FBXO21: variants seen among roughly 807,000 people sequenced by gnomAD.
The protein encoded by FBXO21 is F-box protein 21, also known as F-box only protein 21.
A neutral mutation model predicts 76.6 loss-of-function variants in FBXO21; 32 were observed. The ratio of observed to expected loss-of-function variants is 0.42; its 90% CI spans 0.32 to 0.56. The LOEUF (loss-of-function observed/expected upper bound fraction) is 0.56, where lower values mean the gene tolerates loss of function less well. Ranked by LOEUF, FBXO21 falls within the 20% of genes least tolerant of loss-of-function variation. FBXO21 has a pLI of 0.16. For synonymous variants in FBXO21, 328 were observed against 311.5 expected (o/e 1.05, Z -0.56); for missense variants, 586 against 797.3 (o/e 0.73, Z 3.19).
At chr12:117,184,137 T>G in intron 3 of FBXO21, among the ~76,000 whole-genome samples, 1 of 152,044 alleles carries the variant, frequency 6.6e-6, no homozygotes, top group East Asian at 1.9e-4. Context: ...TTCTTGTGAA[T>G]TTAGTCTTCT....
intron 8 of FBXO21, 28 bp downstream of exon 8, chr12:117,166,867 CAGA>C (rs2135865176): frequency 6.2e-7 from 1 of 1,601,638 alleles, no homozygotes; most frequent in African/African-American, 1.3e-5. Context: ...ATGTGCTCTG[CAGA>C]AGTACTAGAA....
At chr12:117,182,594 A>AGTCT (rs1308062123) in intron 3 of FBXO21, among the ~76,000 whole-genome samples, 2 of 100,520 alleles carry the variant, frequency 2.0e-5, no homozygotes, top group Non-Finnish European at 3.7e-5. Context: ...TTTTGGACCG[A>AGTCT]GTCTGTCGCC....
intron 11 of FBXO21, among the ~76,000 whole-genome samples, chr12:117,150,628 TG>T (rs78968605): frequency 0.36 from 55,114 of 152,170 alleles, 11,626 homozygotes; most frequent in Admixed American, 0.54. Flanking sequence ...GAAGACTCCT[TG>T]TGAATGACAA....
intron 9 of FBXO21, among the ~76,000 whole-genome samples, chr12:117,159,750 T>C (rs944214995): frequency 6.6e-6 from 1 of 152,164 alleles, no homozygotes; most frequent in Non-Finnish European, 1.5e-5. Flanking sequence ...CCCTCCACTG[T>C]GTTCCACACA....
intron 3 of FBXO21, among the ~76,000 whole-genome samples, chr12:117,184,702 C>T (rs577509162): frequency 1.2e-4 from 18 of 152,100 alleles, no homozygotes; most frequent in East Asian, 1.9e-4. Context: ...GCCAAGATCA[C>T]GCCATTGCAC....
chr12:117,159,346 C>T (rs968752849), intron 9 of FBXO21, among the ~76,000 whole-genome samples: 1 of 151,872 alleles, frequency 6.6e-6, no homozygotes, highest in Non-Finnish European at 1.5e-5. Context: ...TGCCACTTCC[C>T]GAACAGGACT....
At chr12:117,150,964 GTGTGT>G in intron 11 of FBXO21, among the ~76,000 whole-genome samples, 1 of 83,902 alleles carries the variant, frequency 1.2e-5, no homozygotes, top group African/African-American at 4.5e-5. Context: ...GTTTGTGTGT[GTGTGT>G]GTGTGTGTGT....
intron 11 of FBXO21, among the ~76,000 whole-genome samples, chr12:117,147,481 C>T (rs1955788002): frequency 6.7e-6 from 1 of 148,888 alleles, no homozygotes; most frequent in African/African-American, 2.5e-5. Context: ...CGTCTGTAAT[C>T]CCAGTTACTT....
chr12:117,185,342 C>G (rs1409374728), intron 3 of FBXO21, among the ~76,000 whole-genome samples: 2 of 152,200 alleles, frequency 1.3e-5, no homozygotes, highest in African/African-American at 4.8e-5. Flanking sequence ...AGATATTTCT[C>G]TCTCCTAAAT....
At chr12:117,189,665 C>G (rs116680405) in intron 1 of FBXO21, among the ~76,000 whole-genome samples, 2,300 of 152,090 alleles carry the variant, frequency 0.015, 64 homozygotes, top group African/African-American at 0.053. Flanking sequence ...GAGCCGGGGC[C>G]CTGCGTGCGT....
chr12:117,157,637 C>G (rs11068378), intron 10 of FBXO21, among the ~76,000 whole-genome samples: 27,769 of 114,148 alleles, frequency 0.24, 3,162 homozygotes, highest in East Asian at 0.42. Flanking sequence ...ACTAAAAACA[C>G]TAGAAGATCT....
chr12:117,187,420 C>CAAAAA (rs921514232), intron 2 of FBXO21, among the ~76,000 whole-genome samples: 2 of 59,694 alleles, frequency 3.4e-5, no homozygotes, highest in Admixed American at 1.9e-4. Flanking sequence ...AACTCTGTCT[C>CAAAAA]AAAAAAAAAA....
chr12:117,174,808 A>G lies in FBXO21; in HGVS notation c.593-11T>C. 5 of 1,607,042 alleles carry G rather than the reference A, an allele frequency of 3.1e-6. No homozygotes were observed. Among genetic ancestry groups the G allele is most frequent in the Non-Finnish European group, 4.3e-6 (5 of 1,176,162 alleles). On this transcript the variant is annotated splice_polypyrimidine_tract_variant and intron_variant, in intron 4 of 11. Transcript: ENST00000622495. ...CAATATATACAGCACCTGAAAATGA[A>G]CAAGAATTACCGAATAAATTCTCAC...
chr12:117,159,702 T>C (rs1173898083), intron 9 of FBXO21, among the ~76,000 whole-genome samples: 1 of 152,176 alleles, frequency 6.6e-6, no homozygotes. Flanking sequence ...TGGCTGTCCT[T>C]GTGGCCTGAA....
intron 3 of FBXO21, 118 bp from the exon 4 acceptor site, chr12:117,177,759 C>T: frequency 1.4e-6 from 1 of 732,580 alleles, no homozygotes; most frequent in South Asian, 2.1e-5. Context: ...GGTTCATTCT[C>T]TTATAATAAT....
intron 3 of FBXO21, among the ~76,000 whole-genome samples, chr12:117,182,591 CCGAGT>C (rs1167770065): frequency 5.0e-4 from 24 of 48,358 alleles, no homozygotes; most frequent in African/African-American, 1.8e-3. Flanking sequence ...TTTTTTTGGA[CCGAGT>C]CTGTCGCCCA....
chr12:117,187,132 G>T (rs573727309), intron 2 of FBXO21, among the ~76,000 whole-genome samples: 25 of 148,764 alleles, frequency 1.7e-4, no homozygotes, highest in African/African-American at 6.2e-4. Flanking sequence ...AAATAAAAAG[G>T]CGGCGGCGGC....
At position 117,190,394 on chromosome 12, in the gene FBXO21, C is replaced by G. The variant is rs775671929; in HGVS notation, c.63G>C (p.Ala21=). 9 of 1,498,624 alleles carry G rather than the reference C, an allele frequency of 6.0e-6. No individual in the cohort carries two copies. Among genetic ancestry groups the G allele is most frequent in the Non-Finnish European group, 7.1e-6 (8 of 1,131,796 alleles). The allele number at this position is 1,498,624 out of a possible 1,614,324, so 92.8% of individuals were successfully genotyped here. A position where few individuals can be genotyped will look rare whatever the true frequency, so the allele number is the denominator to read the frequency against. Reference sequence around the variant, plus strand: ...GGCAGCTGAGGCCCGCTACCTCCGGCGCGGCCTCCTCCGCCAGCGCCGGCA... The same window carrying G: ...GGCAGCTGAGGCCCGCTACCTCCGGGGCGGCCTCCTCCGCCAGCGCCGGCA... ...EVVPALAEEA[A]PEVAGLSCLV... is the part of the protein sequence containing the mutation. The change falls in exon 1 of 12, where the codon GCG becomes GCC. Residue 21 remains alanine, a synonymous_variant. Coordinates refer to ENST00000622495, the MANE Select transcript of FBXO21 (RefSeq NM_015002.3).
At chr12:117,162,050 G>A (rs957180913) in intron 9 of FBXO21, among the ~76,000 whole-genome samples, 18 of 152,356 alleles carry the variant, frequency 1.2e-4, no homozygotes, top group African/African-American at 3.8e-4. Context: ...GAGTGAGTGG[G>A]AGGCAGACTA....
Sources: gnomAD v4.1 joint callset for allele counts (sites outside exome capture counted in the v4.1 genomes callset) on GRCh38, gnomAD v4.1.1 for gene constraint, MANE v1.5 for transcripts, NCBI Gene and HGNC (gene_info 2026-07-23, HGNC 2026-07-21) for gene names.